Variants in GPC6 observed in about 807,000 individuals in gnomAD.
GPC6 encodes glypican 6, also known as glypican-6.
GPC6 carries 14 observed loss-of-function variants against 55.2 expected under a neutral mutation model. That is an observed-to-expected ratio of 0.25 (90% CI 0.17 to 0.40). The LOEUF is 0.40. Ranked by LOEUF, GPC6 falls within the 10% of genes least tolerant of loss-of-function variation. The pLI, the probability that GPC6 is intolerant of heterozygous loss-of-function variation, is 1.00. For missense variants in GPC6, 641 were observed against 708.5 expected, an observed-to-expected ratio of 0.90 and a Z score of 1.08; for synonymous variants, 278 against 259.6, an observed-to-expected ratio of 1.07 and a Z score of -0.68.
At chr13:94,215,058 A>G (rs1308951701) in intron 4 of GPC6, among the ~76,000 whole-genome samples, 1 of 152,196 alleles carries the variant, frequency 6.6e-6, no homozygotes, top group Non-Finnish European at 1.5e-5. Flanking sequence ...TCCAGCTCCT[A>G]CTTGTCCACA....
intron 2 of GPC6, among the ~76,000 whole-genome samples, chr13:93,585,106 G>A (rs1222298772): frequency 2.0e-5 from 3 of 152,100 alleles, no homozygotes; most frequent in Non-Finnish European, 4.4e-5. Flanking sequence ...ATGCTGGTTC[G>A]TGCTGCTAGG....
intron 3 of GPC6, among the ~76,000 whole-genome samples, chr13:93,859,932 C>T (rs936944643): frequency 5.3e-5 from 8 of 151,658 alleles, no homozygotes; most frequent in South Asian, 2.1e-4. Context: ...AGGATCTCAA[C>T]GGTCCCATCT....
At chr13:93,457,511 A>G (rs962531269) in intron 1 of GPC6, among the ~76,000 whole-genome samples, 3 of 152,162 alleles carry the variant, frequency 2.0e-5, no homozygotes, top group Admixed American at 6.5e-5. Context: ...TTTCTTTCTT[A>G]AATTTCAGTG....
chr13:93,576,404 A>G (rs1448376216), intron 2 of GPC6, among the ~76,000 whole-genome samples: 1 of 152,188 alleles, frequency 6.6e-6, no homozygotes, highest in Non-Finnish European at 1.5e-5. Context: ...ATAAAAGATC[A>G]CAGAATTTGG....
chr13:94,251,860 A>G (rs186352118), intron 4 of GPC6, among the ~76,000 whole-genome samples: 26 of 151,754 alleles, frequency 1.7e-4, no homozygotes, highest in African/African-American at 5.8e-4. Context: ...GCTCTTTTGG[A>G]TGCTATAATT....
intron 2 of GPC6, among the ~76,000 whole-genome samples, chr13:93,674,945 G>C (rs1277465866): frequency 6.6e-6 from 1 of 152,104 alleles, no homozygotes; most frequent in Non-Finnish European, 1.5e-5. Context: ...AAAAAGAAAA[G>C]GTGTTGTTTT....
chr13:93,509,209 G>A (rs1216958542), intron 1 of GPC6, among the ~76,000 whole-genome samples: 1 of 152,186 alleles, frequency 6.6e-6, no homozygotes, highest in Non-Finnish European at 1.5e-5. Flanking sequence ...TTGAAATTGT[G>A]CACCTTCCAA....
At chr13:93,679,818 G>T (rs1379552547) in intron 2 of GPC6, among the ~76,000 whole-genome samples, 1 of 124,906 alleles carries the variant, frequency 8.0e-6, no homozygotes, top group African/African-American at 3.0e-5. Context: ...ATTGTGCTAG[G>T]TGTTATGAGC....
At chr13:93,700,599 A>G (rs1882634035) in intron 2 of GPC6, among the ~76,000 whole-genome samples, 1 of 152,100 alleles carries the variant, frequency 6.6e-6, no homozygotes, top group Admixed American at 6.6e-5. Context: ...GAATTAATAC[A>G]TTTTTGGTAG....
chr13:93,722,818 C>T (rs570796284), intron 2 of GPC6, among the ~76,000 whole-genome samples: 3 of 151,922 alleles, frequency 2.0e-5, no homozygotes, highest in East Asian at 2.0e-4. Context: ...TGGTATTCCT[C>T]GACTTGTAGA....
At chr13:93,961,556 G>A (rs1260813725) in intron 3 of GPC6, among the ~76,000 whole-genome samples, 1 of 152,166 alleles carries the variant, frequency 6.6e-6, no homozygotes, top group Admixed American at 6.5e-5. Flanking sequence ...ACATACCAGA[G>A]TAACACAGAA....
At chr13:94,242,942 A>G (rs867176752) in intron 4 of GPC6, among the ~76,000 whole-genome samples, 1 of 151,898 alleles carries the variant, frequency 6.6e-6, no homozygotes, top group African/African-American at 2.4e-5. Context: ...CATGCTAACT[A>G]AATCTAAAAA....
At chr13:94,034,231 A>AGGAT (rs1241958514) in intron 4 of GPC6, among the ~76,000 whole-genome samples, 1 of 150,862 alleles carries the variant, frequency 6.6e-6, no homozygotes, top group Non-Finnish European at 1.5e-5. Context: ...GAAGGAAGGA[A>AGGAT]GGAAGGAAGG....
At chr13:94,256,001 C>A (rs1160158501) in intron 4 of GPC6, among the ~76,000 whole-genome samples, 2 of 152,088 alleles carry the variant, frequency 1.3e-5, no homozygotes, top group African/African-American at 4.8e-5. Context: ...TGAATCAAAA[C>A]TTGCAACTGA....
chr13:93,975,033 C>T (rs1279843666), intron 3 of GPC6, among the ~76,000 whole-genome samples: 1 of 152,026 alleles, frequency 6.6e-6, no homozygotes, highest in Non-Finnish European at 1.5e-5. Flanking sequence ...AAGTATGGTC[C>T]CTGGACCAGC....
chr13:93,239,996 G>T (rs897648183), intron 1 of GPC6, among the ~76,000 whole-genome samples: 1 of 152,072 alleles, frequency 6.6e-6, no homozygotes, highest in Non-Finnish European at 1.5e-5. Context: ...CTGAGAAGAT[G>T]CCTGATATGA....
At chr13:93,400,663 A>G (rs1379062414) in intron 1 of GPC6, among the ~76,000 whole-genome samples, 1 of 152,188 alleles carries the variant, frequency 6.6e-6, no homozygotes, top group African/African-American at 2.4e-5. Flanking sequence ...ATTTTCTGTG[A>G]TAGGATCATG....
intron 2 of GPC6, among the ~76,000 whole-genome samples, chr13:93,773,466 T>C (rs1201222946): frequency 6.6e-6 from 1 of 152,064 alleles, no homozygotes; most frequent in East Asian, 1.9e-4. Context: ...ATTTTTTTTT[T>C]GATGTAGCTT....
At chr13:94,032,466 TA>T (rs1294460031) in intron 4 of GPC6, among the ~76,000 whole-genome samples, 3 of 152,204 alleles carry the variant, frequency 2.0e-5, no homozygotes. Context: ...ACAGCATATA[TA>T]ATTGTTACAC....
Sources: gnomAD v4.1 joint callset for allele counts (sites outside exome capture counted in the v4.1 genomes callset) on GRCh38, gnomAD v4.1.1 for gene constraint, MANE v1.5 for transcripts, NCBI Gene and HGNC (gene_info 2026-07-23, HGNC 2026-07-21) for gene names.